Variants in EXOSC7 observed in about 807,000 individuals in gnomAD.
EXOSC7 encodes exosome complex component RRP42.
A neutral mutation model predicts 34.3 loss-of-function variants in EXOSC7; 25 were observed. The ratio of observed to expected loss-of-function variants is 0.73; its 90% CI spans 0.53 to 1.02. EXOSC7 has a LOEUF of 1.02. Ranked by LOEUF, EXOSC7 falls within the 50% of genes least tolerant of loss-of-function variation. EXOSC7 has a pLI of 0.00. For missense variants in EXOSC7, 370 were observed against 368.5 expected (o/e 1.00, Z -0.03); for synonymous variants, 130 against 143.0 (o/e 0.91, Z 0.65).
intron 7 of EXOSC7, among the ~76,000 whole-genome samples, chr3:45,008,709 T>C (rs1482179431): frequency 6.6e-6 from 1 of 152,228 alleles, no homozygotes; most frequent in African/African-American, 2.4e-5. Context: ...CTGTGCTCCA[T>C]GAAGCACCCT....
intron 4 of EXOSC7, among the ~76,000 whole-genome samples, chr3:45,001,186 G>T (rs1706867633): frequency 6.6e-6 from 1 of 152,148 alleles, no homozygotes; most frequent in South Asian, 2.1e-4. Flanking sequence ...GGGCGTGGTG[G>T]CTCATGCCTA....
intron 6 of EXOSC7, among the ~76,000 whole-genome samples, chr3:45,006,763 C>G (rs963082191): frequency 6.6e-6 from 1 of 152,076 alleles, no homozygotes; most frequent in African/African-American, 2.4e-5. Context: ...AGTGCAGTAG[C>G]ACAATCTAGG....
In EXOSC7 at chr3:45,001,609, G is replaced by C; in HGVS notation, c.491+1G>C. ...TAAAGGCTGCTCTCTTCAATACAAGGTAAGTCTTCCTAGAAACAGCTCTGC... is the reference window on the plus strand; with the variant it reads ...TAAAGGCTGCTCTCTTCAATACAAGCTAAGTCTTCCTAGAAACAGCTCTGC... On this transcript the variant is annotated splice_donor_variant, in intron 5 of 7. Transcript: ENST00000265564. LOFTEE classifies it high-confidence loss of function. 1 of 1,609,246 alleles carries C rather than the reference G, an allele frequency of 6.2e-7. No homozygotes were observed. Among genetic ancestry groups the C allele is most frequent in the Non-Finnish European group, 8.5e-7 (1 of 1,175,654 alleles).
chr3:44,986,866 A>C (rs1438702999), intron 1 of EXOSC7, among the ~76,000 whole-genome samples: 1 of 152,222 alleles, frequency 6.6e-6, no homozygotes, highest in East Asian at 1.9e-4. Context: ...TCAGTCACAT[A>C]TGCAGTTAGC....
chr3:45,000,545 T>G (rs1261560630), intron 4 of EXOSC7, among the ~76,000 whole-genome samples: 1 of 152,240 alleles, frequency 6.6e-6, no homozygotes, highest in Admixed American at 6.5e-5. Context: ...TGCTCTAATT[T>G]TCCCTGCTAG....
intron 7 of EXOSC7, 53 bp from the exon 8 acceptor site, chr3:45,011,182 A>AGT: frequency 9.7e-7 from 1 of 1,032,518 alleles, no homozygotes; most frequent in Non-Finnish European, 1.4e-6. Context: ...TTCTGGTCAG[A>AGT]GTGTGTGTGC....
At chr3:44,978,734 C>T (rs1270170860) in intron 1 of EXOSC7, among the ~76,000 whole-genome samples, 11 of 152,064 alleles carry the variant, frequency 7.2e-5, no homozygotes. Context: ...ACATGTGGAG[C>T]CCAAGGGGTG....
chr3:45,011,402 A>G lies in EXOSC7; in HGVS notation c.*63A>G. The G allele has an allele frequency of 2.8e-6, 3 of 1,059,786 alleles. No homozygotes were observed. Among genetic ancestry groups the G allele is most frequent in the Admixed American group, 2.3e-5 (1 of 43,762 alleles). The allele number at this position is 1,059,786 out of a possible 1,614,324, so 65.6% of individuals were successfully genotyped here. On this transcript the variant is annotated 3_prime_UTR_variant, in exon 8 of 8. Transcript: ENST00000265564. ...CTTTTCCTTTTAAACCGGTTCGTATATATTTTTCTTCGCTGTTACGAATTT... is the reference window on the plus strand; with the variant it reads ...CTTTTCCTTTTAAACCGGTTCGTATGTATTTTTCTTCGCTGTTACGAATTT...
intron 2 of EXOSC7, 40 bp downstream of exon 2, chr3:44,989,281 T>G (rs369428494): frequency 1.5e-5 from 22 of 1,435,276 alleles, no homozygotes; most frequent in African/African-American, 2.8e-5. Context: ...GGTGGAGAAA[T>G]GAGTAGGCCC....
intron 1 of EXOSC7, among the ~76,000 whole-genome samples, chr3:44,986,807 G>C (rs1273266219): frequency 6.6e-6 from 1 of 152,342 alleles, no homozygotes; most frequent in East Asian, 1.9e-4. Context: ...CATTGGTACT[G>C]TGTGGTGCTG....
intron 4 of EXOSC7, among the ~76,000 whole-genome samples, chr3:45,000,350 G>C (rs968062518): frequency 6.6e-6 from 1 of 152,250 alleles, no homozygotes; most frequent in African/African-American, 2.4e-5. Flanking sequence ...CCAGCCTTTA[G>C]GAGTTCACAG....
intron 5 of EXOSC7, among the ~76,000 whole-genome samples, chr3:45,003,465 C>T (rs995459179): frequency 3.3e-5 from 5 of 152,158 alleles, no homozygotes; most frequent in African/African-American, 1.2e-4. Flanking sequence ...TTACAGAACT[C>T]CTTGGCCCTT....
chr3:45,007,302 C>G (rs1033816790), intron 6 of EXOSC7, 118 bp from the exon 7 acceptor site: 2 of 1,030,480 alleles, frequency 1.9e-6, no homozygotes, highest in Non-Finnish European at 2.8e-6. Context: ...AAAATAAGAC[C>G]TGGAATGACC....
chr3:45,006,434 G>T (rs1342942549), intron 6 of EXOSC7, among the ~76,000 whole-genome samples: 1 of 111,832 alleles, frequency 8.9e-6, no homozygotes, highest in Non-Finnish European at 1.7e-5. Context: ...TTTTGAGACA[G>T]AGTCTCGCTC....
chr3:44,993,906 A>G (rs1400345861), intron 3 of EXOSC7, among the ~76,000 whole-genome samples: 3 of 152,206 alleles, frequency 2.0e-5, no homozygotes. Context: ...TTGTCTAGTG[A>G]TAAGTTCCAA....
intron 4 of EXOSC7, among the ~76,000 whole-genome samples, chr3:44,997,711 A>C (rs2125968851): frequency 6.6e-6 from 1 of 152,358 alleles, no homozygotes; most frequent in South Asian, 2.1e-4. Flanking sequence ...AGACAGACAG[A>C]GGTAAATCAA....
At chr3:44,985,418 C>G (rs141715959) in intron 1 of EXOSC7, among the ~76,000 whole-genome samples, 1 of 152,008 alleles carries the variant, frequency 6.6e-6, no homozygotes, top group South Asian at 2.1e-4. Flanking sequence ...GCGGCGTGTC[C>G]GGAGTTGTTC....
At chr3:45,004,618 G>A in intron 5 of EXOSC7, 1 of 146,162 alleles carries the variant, frequency 6.8e-6, no homozygotes. Context: ...TCACAGTGTA[G>A]TTTTAATTTG....
At chr3:45,008,480 C>T (rs1193116277) in intron 7 of EXOSC7, among the ~76,000 whole-genome samples, 1 of 152,218 alleles carries the variant, frequency 6.6e-6, no homozygotes, top group Non-Finnish European at 1.5e-5. Flanking sequence ...CTGTATATAG[C>T]ATGGAGTTCC....
Sources: gnomAD v4.1 joint callset for allele counts (sites outside exome capture counted in the v4.1 genomes callset) on GRCh38, gnomAD v4.1.1 for gene constraint, MANE v1.5 for transcripts, NCBI Gene and HGNC (gene_info 2026-07-23, HGNC 2026-07-21) for gene names.